JARID2: variants seen among roughly 807,000 people sequenced by gnomAD.
JARID2 encodes the protein protein Jumonji.
A neutral mutation model predicts 125.6 loss-of-function variants in JARID2; 21 were observed. The ratio of observed to expected loss-of-function variants is 0.17; its 90% CI spans 0.12 to 0.24. The LOEUF (loss-of-function observed/expected upper bound fraction) is 0.24. JARID2 is among the 10% of genes least tolerant of loss of function. The pLI, the probability that JARID2 is intolerant of heterozygous loss-of-function variation, is 1.00. For synonymous variants in JARID2, 736 were observed against 661.6 expected (o/e 1.11, Z -1.73); for missense variants, 1,303 against 1,639.6 (o/e 0.79, Z 3.55).
intron 1 of JARID2, among the ~76,000 whole-genome samples, chr6:15,342,684 TAAAATTATAG>T (rs1763108344): frequency 6.6e-6 from 1 of 152,206 alleles, no homozygotes; most frequent in African/African-American, 2.4e-5. Flanking sequence ...TCTAGTTTGT[TAAAATTATAG>T]AAAAATTTGT....
intron 1 of JARID2, among the ~76,000 whole-genome samples, chr6:15,283,578 G>T (rs1760868849): frequency 6.6e-6 from 1 of 151,434 alleles, no homozygotes; most frequent in Non-Finnish European, 1.5e-5. Context: ...TGCCGACCTT[G>T]TGCTCCGCCC....
chr6:15,393,758 C>T (rs905015948), intron 2 of JARID2, among the ~76,000 whole-genome samples: 7 of 151,976 alleles, frequency 4.6e-5, no homozygotes, highest in South Asian at 4.1e-4. Context: ...GATTTCACTG[C>T]GTAAATAAGA....
intron 3 of JARID2, among the ~76,000 whole-genome samples, chr6:15,423,069 G>A (rs1042103152): frequency 2.0e-5 from 3 of 150,478 alleles, no homozygotes; most frequent in East Asian, 1.9e-4. Context: ...TTACGATATC[G>A]GCACACTGTA....
chr6:15,388,949 T>C (rs1764897298), intron 2 of JARID2, among the ~76,000 whole-genome samples: 2 of 152,106 alleles, frequency 1.3e-5, no homozygotes, highest in South Asian at 2.1e-4. Flanking sequence ...CTGTTTTCTT[T>C]CTGCAGTTAG....
At chr6:15,414,764 G>T (rs1213053668) in intron 3 of JARID2, among the ~76,000 whole-genome samples, 10 of 147,154 alleles carry the variant, frequency 6.8e-5, no homozygotes, top group African/African-American at 1.0e-4. Flanking sequence ...GGGTGAGATT[G>T]TTTTTTTTTT....
chr6:15,271,581 A>G (rs1288446634), intron 1 of JARID2, among the ~76,000 whole-genome samples: 2 of 152,166 alleles, frequency 1.3e-5, no homozygotes, highest in Non-Finnish European at 1.5e-5. Flanking sequence ...AGGCCAAGGC[A>G]TGAGGCTTGC....
In JARID2 at chr6:15,520,707, G is replaced by A. The variant is rs1581681232; in HGVS notation, c.*456G>A. ...CACACGCGCACACACACACACACAC[G>A]AAACTTGAAATGGCTTTGCTTTGGC... On this transcript the variant is annotated 3_prime_UTR_variant, in exon 18 of 18. Coordinates refer to ENST00000341776, the MANE Select transcript of JARID2 (RefSeq NM_004973.4). The A allele has an allele frequency of 2.2e-6, 1 of 448,790 alleles. No individual in the cohort carries two copies. 27.8% of individuals were successfully genotyped at this position (448,790 alleles called of 1,614,324 possible).
chr6:15,277,778 C>CAA (rs541398012), intron 1 of JARID2, among the ~76,000 whole-genome samples: 44 of 83,772 alleles, frequency 5.3e-4, no homozygotes, highest in African/African-American at 1.5e-3. Flanking sequence ...GCCAAGTCTG[C>CAA]AAAAAAAAAA....
chr6:15,297,433 C>T (rs1426932680), intron 1 of JARID2, among the ~76,000 whole-genome samples: 3 of 151,802 alleles, frequency 2.0e-5, no homozygotes, highest in Admixed American at 6.6e-5. Context: ...CACCGCCCGG[C>T]CTGGTTGTGT....
chr6:15,442,439 A>G (rs1050222818), intron 3 of JARID2, among the ~76,000 whole-genome samples: 7 of 152,250 alleles, frequency 4.6e-5, no homozygotes, highest in African/African-American at 1.2e-4. Context: ...TGGATTCTGT[A>G]GCTACTTGCA....
chr6:15,250,215 A>G (rs533753473), intron 1 of JARID2, among the ~76,000 whole-genome samples: 3 of 152,244 alleles, frequency 2.0e-5, no homozygotes, highest in Non-Finnish European at 4.4e-5. Flanking sequence ...AAAAATTGGA[A>G]AAAGTTTTTG....
chr6:15,407,301 C>G (rs569397533), intron 2 of JARID2, among the ~76,000 whole-genome samples: 37 of 152,128 alleles, frequency 2.4e-4, no homozygotes, highest in African/African-American at 8.9e-4. Flanking sequence ...CCCAGAGCAG[C>G]CAAAGCAGCA....
intron 1 of JARID2, chr6:15,248,849 G>A: frequency 1.5e-5 from 14 of 943,858 alleles, no homozygotes; most frequent in Non-Finnish European, 1.8e-5. Context: ...GGGGGAGGAG[G>A]GAGCTGGGCG....
At chr6:15,443,118 A>T (rs1281532256) in intron 3 of JARID2, among the ~76,000 whole-genome samples, 10 of 150,138 alleles carry the variant, frequency 6.7e-5, no homozygotes, top group African/African-American at 9.8e-5. Flanking sequence ...TTTCTCTCTG[A>T]TGCCTGTTTT....
chr6:15,401,993 A>G (rs1765457504), intron 2 of JARID2, among the ~76,000 whole-genome samples: 1 of 149,112 alleles, frequency 6.7e-6, no homozygotes, highest in African/African-American at 2.5e-5. Context: ...ATTTCTTGAT[A>G]TGTGAGTGAG....
intron 3 of JARID2, among the ~76,000 whole-genome samples, chr6:15,423,243 G>T (rs1766580444): frequency 6.6e-6 from 1 of 152,008 alleles, no homozygotes; most frequent in African/African-American, 2.4e-5. Context: ...TGGTTGATCT[G>T]CCTGACTCAG....
rs1034142899 is a variant in JARID2, at chr6:15,246,448, A to AT, written c.-92_-91insT. On this transcript the variant is annotated 5_prime_UTR_variant, in exon 1 of 18. Transcript: ENST00000341776. ...AAGATCAACCACCACCAACAACAAT[A>AT]AAAACCACCAGGATATTTTTTTGCA... 2.8e-6 allele frequency: 3 copies of AT among 1,079,510 alleles called. No homozygotes were observed. In the African/African-American group the frequency reaches 4.7e-5, roughly 17 times the overall value. The allele number at this position is 1,079,510 out of a possible 1,614,324, so 66.9% of individuals were successfully genotyped here.
Position 15,511,383 on chromosome 6 carries a change from G to A in JARID2, c.2934G>A (p.Met978Ile), listed in dbSNP as rs373805765. 2 of 1,613,064 alleles carry A rather than the reference G, an allele frequency of 1.2e-6. No individual in the cohort carries two copies. Among genetic ancestry groups the A allele is most frequent in the African/African-American group, 1.3e-5 (1 of 74,902 alleles). Residue 978 changes from methionine to isoleucine, a missense_variant, in exon 13 of 18, where the codon ATG becomes ATA. By Grantham distance (10) the Met-to-Ile change is conservative. Transcript: ENST00000341776. ...LQANGTPGLQ[M>I]LESNVMISPE... ...CCAATGGCACCCCAGGGCTGCAGATGCTGGAAAGCAACGTCATGGTGCGTC... is the reference window on the plus strand; with the variant it reads ...CCAATGGCACCCCAGGGCTGCAGATACTGGAAAGCAACGTCATGGTGCGTC...
At chr6:15,262,022 C>T (rs1237444085) in intron 1 of JARID2, among the ~76,000 whole-genome samples, 4 of 150,460 alleles carry the variant, frequency 2.7e-5, no homozygotes, top group South Asian at 2.1e-4. Context: ...CCTTGTGATC[C>T]GCCTGCCTCA....
Sources: allele counts gnomAD v4.1 joint callset (sites outside exome capture counted in the v4.1 genomes callset), GRCh38; gene constraint gnomAD v4.1.1; transcripts MANE v1.5; gene names NCBI Gene and HGNC (gene_info 2026-07-23, HGNC 2026-07-21).